SYCP2L: variants seen among roughly 807,000 people sequenced by gnomAD.
The protein encoded by SYCP2L is synaptonemal complex protein 2 like.
Under a neutral mutation model 125.8 loss-of-function variants are expected in SYCP2L, and 98 were observed. The ratio of observed to expected loss-of-function variants is 0.78; its 90% CI spans 0.66 to 0.92. The LOEUF (loss-of-function observed/expected upper bound fraction) is 0.92, where lower values mean the gene tolerates loss of function less well. Among genes scored for constraint, SYCP2L ranks in the 40% least tolerant of loss-of-function variants. The pLI, the probability that SYCP2L is intolerant of heterozygous loss-of-function variation, is 0.00. For missense variants in SYCP2L, 842 were observed against 936.4 expected, an observed-to-expected ratio of 0.90 and a Z score of 1.32; for synonymous variants, 317 against 325.4, an observed-to-expected ratio of 0.97 and a Z score of 0.28.
intron 21 of SYCP2L, among the ~76,000 whole-genome samples, chr6:10,939,083 G>T (rs1341220574): frequency 6.6e-6 from 1 of 151,690 alleles, no homozygotes; most frequent in Non-Finnish European, 1.5e-5. Context: ...TCACGCCACT[G>T]CATTTCAGCC....
intron 1 of SYCP2L, among the ~76,000 whole-genome samples, chr6:10,887,718 C>T (rs1662275816): frequency 6.6e-6 from 1 of 152,044 alleles, no homozygotes; most frequent in Non-Finnish European, 1.5e-5. Flanking sequence ...CTACGGTGGG[C>T]CGGTAGTTTG....
intron 12 of SYCP2L, among the ~76,000 whole-genome samples, chr6:10,911,851 G>A (rs985415410): frequency 7.1e-6 from 1 of 141,750 alleles, no homozygotes; most frequent in African/African-American, 2.6e-5. Flanking sequence ...TTGGATTGTA[G>A]AATAGTAAGT....
rs190261468 is a variant in SYCP2L, at chr6:10,893,209, G to A, written c.79-658G>A. 2.5e-3 allele frequency among the ~76,000 whole-genome samples: 384 copies of A among 152,212 alleles called. 2 individuals carry two copies. Among genetic ancestry groups the A allele is most frequent in the Middle Eastern group, 6.8e-3 (2 of 294 alleles). ...GATGGGATTGCTCCATGTTGGTCAG[G>A]CTGGTCTCGAACTCCTGACCTCAGG... On this transcript the variant is annotated intron_variant, in intron 2 of 29. Coordinates refer to ENST00000283141, the MANE Select transcript of SYCP2L (RefSeq NM_001040274.3).
At position 10,961,316 on chromosome 6, in the gene SYCP2L, TA is replaced by T; in HGVS notation, c.2268del (p.Glu757SerfsTer11). The T allele has an allele frequency of 6.2e-7, 1 of 1,614,098 alleles. No individual in the cohort carries two copies. Among genetic ancestry groups the T allele is most frequent in the Non-Finnish European group, 8.5e-7 (1 of 1,179,952 alleles). ...TTTATGTTTATTAGACTCAATAAAC[TA>T]GAGCGCTTTCAAAATTTGGTTCTTC... is the stretch of plus-strand genomic sequence containing the variant. ...NQMQLFRLNK[L>X]ERFQNLVLQE... On this transcript the variant is annotated frameshift_variant, in exon 27 of 30. Transcript: ENST00000283141. LOFTEE classifies it high-confidence loss of function.
At chr6:10,905,030 C>T (rs1331187157) in intron 8 of SYCP2L, among the ~76,000 whole-genome samples, 1 of 147,288 alleles carries the variant, frequency 6.8e-6, no homozygotes, top group Non-Finnish European at 1.5e-5. Context: ...ATCCCAGCTA[C>T]TTGGGAGGCT....
chr6:10,940,588 A>C (rs115957263), intron 21 of SYCP2L, among the ~76,000 whole-genome samples: 6,114 of 152,308 alleles, frequency 0.04, 151 homozygotes, highest in Non-Finnish European at 0.05. Flanking sequence ...CTAAAGGACA[A>C]ATACTATATA....
intron 21 of SYCP2L, among the ~76,000 whole-genome samples, chr6:10,936,356 G>C (rs2113368008): frequency 6.6e-6 from 1 of 152,128 alleles, no homozygotes; most frequent in Non-Finnish European, 1.5e-5. Context: ...AACTAGCCAG[G>C]CATGGTGGCA....
rs139448688 is a variant in SYCP2L at position 10,973,487 on chromosome 6, G to C, written c.*38-465G>C. ...GCAGAGGTTGCAGTAAGCCAAGATT[G>C]TGCCACTGCACTCCAGCCTTGCGAC... On this transcript the variant is annotated intron_variant, in intron 29 of 29. Transcript: ENST00000283141. Among the ~76,000 whole-genome samples, 639 of 152,314 alleles carry C rather than the reference G, an allele frequency of 4.2e-3. 8 individuals are homozygous for C. The highest frequency in any genetic ancestry group is 6.9e-3 in the Non-Finnish European group (472 of 68,030).
intron 14 of SYCP2L, among the ~76,000 whole-genome samples, chr6:10,914,219 C>G (rs1432379677): frequency 1.3e-5 from 2 of 152,096 alleles, no homozygotes; most frequent in African/African-American, 2.4e-5. Context: ...GGAGGAGGAT[C>G]CAGTTTCATT....
chr6:10,910,494 C>G (rs1185530812), intron 11 of SYCP2L, among the ~76,000 whole-genome samples: 1 of 152,140 alleles, frequency 6.6e-6, no homozygotes, highest in East Asian at 1.9e-4. Context: ...AGAACAATTT[C>G]CTGACTTGAG....
intron 15 of SYCP2L, among the ~76,000 whole-genome samples, chr6:10,925,942 T>C (rs1265461953): frequency 6.6e-6 from 1 of 152,108 alleles, no homozygotes; most frequent in Non-Finnish European, 1.5e-5. Flanking sequence ...GTTCCTAGAA[T>C]AGGAGGCCCC....
chr6:10,941,283 A>G (rs954048974), intron 21 of SYCP2L, among the ~76,000 whole-genome samples: 5 of 152,222 alleles, frequency 3.3e-5, no homozygotes, highest in African/African-American at 7.2e-5. Flanking sequence ...AATGGCAACA[A>G]AAGCCAAAAT....
chr6:10,962,853 C>T (rs1781617756), intron 28 of SYCP2L, among the ~76,000 whole-genome samples: 1 of 152,190 alleles, frequency 6.6e-6, no homozygotes, highest in South Asian at 2.1e-4. Context: ...ATGGGAAATT[C>T]CCCTGGACAT....
intron 29 of SYCP2L, among the ~76,000 whole-genome samples, chr6:10,966,755 T>TA (rs1781687315): frequency 6.6e-6 from 1 of 152,000 alleles, no homozygotes; most frequent in Non-Finnish European, 1.5e-5. Flanking sequence ...GGAGGAGGAG[T>TA]AAAACCAAAC....
chr6:10,911,780 T>G (rs1317177228), intron 12 of SYCP2L, among the ~76,000 whole-genome samples: 1 of 151,870 alleles, frequency 6.6e-6, no homozygotes, highest in Non-Finnish European at 1.5e-5. Flanking sequence ...CTGTAGCTAT[T>G]AAAAGGTAGA....
chr6:10,956,560 C>T (rs1781505377), intron 25 of SYCP2L, among the ~76,000 whole-genome samples: 1 of 152,114 alleles, frequency 6.6e-6, no homozygotes, highest in African/African-American at 2.4e-5. Context: ...AGTATTCCTA[C>T]CACCCCCCAA....
At chr6:10,942,041 A>G (rs1002972488) in intron 21 of SYCP2L, among the ~76,000 whole-genome samples, 1 of 148,578 alleles carries the variant, frequency 6.7e-6, no homozygotes, top group Non-Finnish European at 1.5e-5. Context: ...ATTCTCAGCA[A>G]ACTCGCAAGG....
chr6:10,897,225 A>T (rs1780271923), intron 4 of SYCP2L, among the ~76,000 whole-genome samples: 5 of 152,150 alleles, frequency 3.3e-5, no homozygotes, highest in Admixed American at 3.3e-4. Context: ...TATAGGAAAA[A>T]ATTCTCTAAT....
intron 5 of SYCP2L, among the ~76,000 whole-genome samples, chr6:10,898,380 G>C (rs1201575875): frequency 6.6e-6 from 1 of 152,080 alleles, no homozygotes; most frequent in African/African-American, 2.4e-5. Flanking sequence ...GGGCGTGGTG[G>C]TGGGCGCCTG....
Sources: allele counts gnomAD v4.1 joint callset (sites outside exome capture counted in the v4.1 genomes callset), GRCh38; gene constraint gnomAD v4.1.1; transcripts MANE v1.5; gene names NCBI Gene and HGNC (gene_info 2026-07-23, HGNC 2026-07-21).